Variants in TRAPPC9 observed in about 807,000 individuals in gnomAD.
TRAPPC9 encodes the protein trafficking protein particle complex subunit 9.
TRAPPC9 carries 83 observed loss-of-function variants against 124.0 expected under a neutral mutation model. That is an observed-to-expected ratio of 0.67 (90% CI 0.56 to 0.80). TRAPPC9 has a LOEUF of 0.80. Among genes scored for constraint, TRAPPC9 ranks in the 30% least tolerant of loss-of-function variants. The probability of loss-of-function intolerance (pLI) is 0.00; values close to 1 mark genes in which losing one functional copy is unlikely to be tolerated. For missense variants in TRAPPC9, 1,302 were observed against 1,508.3 expected, an observed-to-expected ratio of 0.86 and a Z score of 2.27; for synonymous variants, 638 against 617.5, an observed-to-expected ratio of 1.03 and a Z score of -0.49.
chr8:140,066,226 G>A (rs377193829), intron 17 of TRAPPC9, among the ~76,000 whole-genome samples: 30 of 151,632 alleles, frequency 2.0e-4, no homozygotes, highest in African/African-American at 6.0e-4. Flanking sequence ...TGTGACAACC[G>A]ACTGACATGT....
At chr8:140,405,485 T>TA (rs1175966729) in intron 6 of TRAPPC9, 92 bp downstream of exon 6, 5 of 1,356,084 alleles carry the variant, frequency 3.7e-6, no homozygotes, top group East Asian at 4.7e-5. Context: ...AATAAATAAT[T>TA]AAGAGACACT....
chr8:140,331,609 C>T (rs1409214017), intron 9 of TRAPPC9, among the ~76,000 whole-genome samples: 1 of 101,658 alleles, frequency 9.8e-6, no homozygotes, highest in Non-Finnish European at 2.0e-5. Context: ...AGGAACTCAA[C>T]AGCAAAAAAT....
chr8:139,872,579 G>T (rs184870720), intron 21 of TRAPPC9, among the ~76,000 whole-genome samples: 12 of 143,180 alleles, frequency 8.4e-5, no homozygotes, highest in Non-Finnish European at 1.6e-4. Flanking sequence ...TGGGTTGGTG[G>T]GTAGACGGTT....
Position 140,063,257 on chromosome 8 carries a change from C to A in TRAPPC9, c.2557-39178G>T, listed in dbSNP as rs1006797709. The stretch of plus-strand genomic sequence containing the variant: ...TTCGGGTGGGAGCACAAAGCCTAAG[C>A]ATATCACCAACACATTTTGGTTTTC... On this transcript the variant is annotated intron_variant, in intron 17 of 22. Transcript: ENST00000438773. The surrounding 1 kb of genome is among the most constrained non-coding windows in gnomAD (Gnocchi z 4.3). Among the ~76,000 whole-genome samples the A allele has an allele frequency of 6.6e-6, 1 of 152,174 alleles. No individual in the cohort carries two copies. The highest frequency in any genetic ancestry group is 1.5e-5 in the Non-Finnish European group (1 of 68,028).
At chr8:140,177,715 C>T (rs1283829962) in intron 17 of TRAPPC9, among the ~76,000 whole-genome samples, 1 of 152,080 alleles carries the variant, frequency 6.6e-6, no homozygotes, top group East Asian at 1.9e-4. Flanking sequence ...TGAGGTATTA[C>T]TACCCATAGC....
intron 21 of TRAPPC9, among the ~76,000 whole-genome samples, chr8:139,852,219 G>A (rs979742541): frequency 1.3e-5 from 2 of 152,146 alleles, no homozygotes; most frequent in Admixed American, 6.5e-5. Flanking sequence ...CCCCAACCAC[G>A]TGGAACTGTG....
intron 21 of TRAPPC9, among the ~76,000 whole-genome samples, chr8:139,840,171 G>A (rs1420220175): frequency 2.6e-5 from 4 of 152,188 alleles, no homozygotes; most frequent in Admixed American, 6.5e-5. Flanking sequence ...TTACTGCCAC[G>A]CCTCTCCTCA....
chr8:140,233,631 A>ACACACACACC (rs2063660462), intron 16 of TRAPPC9, among the ~76,000 whole-genome samples: 1 of 130,622 alleles, frequency 7.7e-6, no homozygotes, highest in African/African-American at 2.9e-5. Context: ...CACCACACAC[A>ACACACACACC]CACACACACA....
intron 21 of TRAPPC9, among the ~76,000 whole-genome samples, chr8:139,811,323 C>G (rs1824432541): frequency 6.6e-6 from 1 of 152,066 alleles, no homozygotes; most frequent in South Asian, 2.1e-4. Flanking sequence ...AAAGGACTAG[C>G]CAAGGAGGTC....
At chr8:140,170,056 T>C (rs2061935536) in intron 17 of TRAPPC9, among the ~76,000 whole-genome samples, 4 of 152,336 alleles carry the variant, frequency 2.6e-5, no homozygotes, top group Non-Finnish European at 5.9e-5. Flanking sequence ...GTCTTTTACA[T>C]GACTTTTTAA....
At chr8:140,125,064 G>C (rs2061061123) in intron 17 of TRAPPC9, among the ~76,000 whole-genome samples, 1 of 152,196 alleles carries the variant, frequency 6.6e-6, no homozygotes, top group Non-Finnish European at 1.5e-5. Context: ...TTCAAAGAGA[G>C]ATGGCAACAT....
At chr8:140,112,885 G>A (rs1214022115) in intron 17 of TRAPPC9, among the ~76,000 whole-genome samples, 3 of 144,274 alleles carry the variant, frequency 2.1e-5, no homozygotes, top group East Asian at 4.0e-4. Context: ...CTGTCACCCA[G>A]TCTGAAGTGC....
At chr8:139,881,844 C>G (rs1587083935) in intron 21 of TRAPPC9, among the ~76,000 whole-genome samples, 1 of 152,238 alleles carries the variant, frequency 6.6e-6, no homozygotes, top group Non-Finnish European at 1.5e-5. Context: ...CATGTAACCA[C>G]CTCTTAATGC....
In TRAPPC9 at chr8:140,219,203, GGAAAAA is replaced by G. The variant is rs1197937427; in HGVS notation, c.2556+2250_2556+2255del. Among the ~76,000 whole-genome samples the G allele has an allele frequency of 1.6e-4, 25 of 152,062 alleles. 1 individual carries two copies. The highest frequency in any genetic ancestry group is 1.6e-3 in the Admixed American group (24 of 15,280). On this transcript the variant is annotated intron_variant, in intron 17 of 22. Transcript: ENST00000438773. ...ATCAGGGAAGAAAGGAAGGGGAGAA[GGAAAAA>G]CAAAAAAGCCTGCAGCACACTCGGC... is the stretch of plus-strand genomic sequence containing the variant.
At chr8:140,107,335 A>G (rs949486675) in intron 17 of TRAPPC9, among the ~76,000 whole-genome samples, 4 of 152,202 alleles carry the variant, frequency 2.6e-5, no homozygotes. Context: ...TCCTTTGTTT[A>G]TTCGCTTACT....
chr8:140,344,700 A>G (rs752930673), intron 9 of TRAPPC9, among the ~76,000 whole-genome samples: 9 of 152,262 alleles, frequency 5.9e-5, no homozygotes, highest in Non-Finnish European at 1.0e-4. Flanking sequence ...TCTCAGAGAC[A>G]CAGAAACAAG....
At chr8:139,929,238 TG>T (rs1832980522) in intron 19 of TRAPPC9, among the ~76,000 whole-genome samples, 1 of 152,232 alleles carries the variant, frequency 6.6e-6, no homozygotes, top group African/African-American at 2.4e-5. Flanking sequence ...GAACCATGAC[TG>T]TCACATTTTA....
At chr8:140,290,858 C>T (rs1174888207) in intron 12 of TRAPPC9, 135 bp downstream of exon 12, 1 of 755,112 alleles carries the variant, frequency 1.3e-6, no homozygotes, top group Non-Finnish European at 2.4e-6. Context: ...TTACAATAAG[C>T]TTATATGCTT....
intron 8 of TRAPPC9, among the ~76,000 whole-genome samples, chr8:140,364,483 C>T (rs1029345327): frequency 2.6e-5 from 4 of 152,098 alleles, no homozygotes; most frequent in Non-Finnish European, 1.5e-5. Context: ...CTACTCCTTC[C>T]CAATTAAATT....
Sources: allele counts gnomAD v4.1 joint callset (sites outside exome capture counted in the v4.1 genomes callset), GRCh38; gene constraint gnomAD v4.1.1; non-coding constraint Gnocchi (gnomAD v3.1); transcripts MANE v1.5; gene names NCBI Gene and HGNC (gene_info 2026-07-23, HGNC 2026-07-21).